The following CGGBP1 variants were observed in gnomAD, a reference collection of about 807,000 sequenced individuals.
CGGBP1 encodes CGG triplet repeat-binding protein 1.
Under a neutral mutation model 11.4 loss-of-function variants are expected in CGGBP1, and 4 were observed. The observed-to-expected ratio is 0.35, with a 90% CI of 0.17 to 0.80. The LOEUF is 0.80. Among genes scored for constraint, CGGBP1 ranks in the 30% least tolerant of loss-of-function variants. CGGBP1 has a pLI of 0.52. For missense variants in CGGBP1, 135 were observed against 202.1 expected, an observed-to-expected ratio of 0.67 and a Z score of 2.01; for synonymous variants, 76 against 74.1, an observed-to-expected ratio of 1.03 and a Z score of -0.13.
At chr3:88,110,684 C>T (rs1705036115) in intron 2 of CGGBP1, among the ~76,000 whole-genome samples, 1 of 152,010 alleles carries the variant, frequency 6.6e-6, no homozygotes, top group Non-Finnish European at 1.5e-5. Flanking sequence ...AGTTTTCTTC[C>T]GTAAGGAGAG....
At chr3:88,127,483 G>C (rs191776778) in intron 2 of CGGBP1, among the ~76,000 whole-genome samples, 7 of 152,172 alleles carry the variant, frequency 4.6e-5, no homozygotes, top group African/African-American at 1.7e-4. Flanking sequence ...TGTTGCTGAG[G>C]AGGAAGAGTT....
intron 2 of CGGBP1, among the ~76,000 whole-genome samples, chr3:88,124,433 A>C (rs1270599623): frequency 6.6e-6 from 1 of 152,214 alleles, no homozygotes; most frequent in East Asian, 1.9e-4. Context: ...CTGAATGATT[A>C]TTTTAAAACT....
chr3:88,095,548 C>T (rs1204095853), intron 2 of CGGBP1: 2 of 514,142 alleles, frequency 3.9e-6, no homozygotes, highest in Admixed American at 4.1e-5. Context: ...TCTGCTTCAT[C>T]TGTCTTTCCA....
At chr3:88,119,509 T>C in intron 2 of CGGBP1, among the ~76,000 whole-genome samples, 1 of 149,586 alleles carries the variant, frequency 6.7e-6, no homozygotes, top group Non-Finnish European at 1.5e-5. Context: ...ACCTGCACAA[T>C]GTGCACGTGT....
At chr3:88,058,522 C>T (rs900749027) in intron 1 of CGGBP1, among the ~76,000 whole-genome samples, 1 of 152,146 alleles carries the variant, frequency 6.6e-6, no homozygotes, top group South Asian at 2.1e-4. Flanking sequence ...GGCGCCAAGC[C>T]CAGCACGCCG....
intron 2 of CGGBP1, among the ~76,000 whole-genome samples, chr3:88,083,272 A>T (rs1479770773): frequency 6.6e-6 from 1 of 152,240 alleles, no homozygotes; most frequent in African/African-American, 2.4e-5. Flanking sequence ...TTCCTAAATG[A>T]TTTAATGTAA....
intron 2 of CGGBP1, 152 bp from the exon 3 acceptor site, chr3:88,057,444 T>C (rs1256976322): frequency 6.6e-6 from 1 of 152,144 alleles, no homozygotes; most frequent in Non-Finnish European, 1.5e-5. Flanking sequence ...ATCTAGTACT[T>C]ACCATTACAC....
At chr3:88,102,392 C>G (rs544851705) in intron 2 of CGGBP1, among the ~76,000 whole-genome samples, 1 of 152,106 alleles carries the variant, frequency 6.6e-6, no homozygotes, top group South Asian at 2.1e-4. Flanking sequence ...TATTGCTGTA[C>G]CTTTATTTTC....
intron 1 of CGGBP1, chr3:88,142,245 AG>A (rs1357164719): frequency 6.7e-6 from 1 of 149,846 alleles, no homozygotes; most frequent in African/African-American, 2.5e-5. Context: ...ATGATTAATT[AG>A]GTCAAAGTTC....
intron 2 of CGGBP1, among the ~76,000 whole-genome samples, chr3:88,125,175 AC>A (rs1453033342): frequency 6.6e-6 from 1 of 151,772 alleles, no homozygotes; most frequent in Non-Finnish European, 1.5e-5. Flanking sequence ...AGATCGTGCC[AC>A]TGCACTCCAG....
upstream of CGGBP1, chr3:88,059,534 G>A: frequency 6.9e-7 from 1 of 1,458,350 alleles, no homozygotes; most frequent in African/African-American, 1.4e-5. Flanking sequence ...GCCCCGACTT[G>A]TCACCCGGGT....
intron 2 of CGGBP1, among the ~76,000 whole-genome samples, chr3:88,091,666 A>G (rs1444068755): frequency 3.3e-5 from 5 of 152,122 alleles, no homozygotes; most frequent in Non-Finnish European, 7.4e-5. Context: ...AAGGGACCCA[A>G]TGGGAGGTAA....
intron 2 of CGGBP1, chr3:88,139,536 A>G (rs760852980): frequency 2.4e-5 from 39 of 1,613,434 alleles, no homozygotes; most frequent in African/African-American, 4.0e-5. Flanking sequence ...AAATTGTTCT[A>G]GTTCTTCCAT....
intron 2 of CGGBP1, among the ~76,000 whole-genome samples, chr3:88,099,420 C>T (rs1263984813): frequency 6.6e-6 from 1 of 152,174 alleles, no homozygotes; most frequent in Non-Finnish European, 1.5e-5. Context: ...TTTATAGATT[C>T]AATGCCATTC....
At chr3:88,062,967 T>C (rs1164011815), upstream of CGGBP1, among the ~76,000 whole-genome samples, 7 of 152,324 alleles carry the variant, frequency 4.6e-5, no homozygotes, top group East Asian at 1.3e-3. Flanking sequence ...GAGAGAAAAT[T>C]TAGAAATGTT....
At chr3:88,102,272 C>A (rs1040883013) in intron 2 of CGGBP1, among the ~76,000 whole-genome samples, 2 of 152,164 alleles carry the variant, frequency 1.3e-5, no homozygotes, top group African/African-American at 4.8e-5. Flanking sequence ...TTAGAAACCA[C>A]TATTGTGTTT....
At position 88,064,317 on chromosome 3, in the gene CGGBP1, GTCTCACTATTGA is replaced by G. The variant is rs569752293; in HGVS notation, c.-228-6106_-228-6095del. 2.3e-3 allele frequency among the ~76,000 whole-genome samples: 344 copies of G among 152,192 alleles called. 2 individuals are homozygous for G. The highest frequency in any genetic ancestry group is 3.7e-3 in the Non-Finnish European group (253 of 67,998). On this transcript the variant is annotated intron_variant, in intron 2 of 3. Transcript: ENST00000462901. ...GGAAGGAGATAGGGACTATCTTACT[GTCTCACTATTGA>G]TCTCACTATTGAGCATGTTCACTAT...
intron 2 of CGGBP1, among the ~76,000 whole-genome samples, chr3:88,076,998 T>C (rs1707839756): frequency 6.6e-6 from 1 of 152,170 alleles, no homozygotes; most frequent in South Asian, 2.1e-4. Flanking sequence ...ATTAGTATTG[T>C]TGATTTTACT....
At chr3:88,079,451 A>C (rs1355869125) in intron 2 of CGGBP1, among the ~76,000 whole-genome samples, 1 of 152,094 alleles carries the variant, frequency 6.6e-6, no homozygotes, top group Non-Finnish European at 1.5e-5. Context: ...TGTTTATATA[A>C]TTTTAAAACT....
Sources: gnomAD v4.1 joint callset for allele counts (sites outside exome capture counted in the v4.1 genomes callset) on GRCh38, gnomAD v4.1.1 for gene constraint, MANE v1.5 for transcripts, NCBI Gene and HGNC (gene_info 2026-07-23, HGNC 2026-07-21) for gene names.